RPS18: variants seen among roughly 807,000 people sequenced by gnomAD.
RPS18 encodes small ribosomal subunit protein uS13.
For missense variants in RPS18, 49 were observed against 200.8 expected (o/e 0.24, Z 4.57); for synonymous variants, 64 against 70.9 (o/e 0.90, Z 0.49).
chr6:33,275,776 G>T (rs780396312), intron 2 of RPS18, 21 bp from the exon 3 acceptor site: 1 of 1,527,784 alleles, frequency 6.5e-7, no homozygotes, highest in Non-Finnish European at 9.1e-7. Flanking sequence ...CACTAATTCC[G>T]AAACCCCTCA....
chr6:33,275,788 T>A lies in RPS18; in HGVS notation c.103-9T>A. The A allele has an allele frequency of 6.3e-7, 1 of 1,585,820 alleles. No homozygotes were observed. Among genetic ancestry groups the A allele is most frequent in the Non-Finnish European group, 8.7e-7 (1 of 1,155,602 alleles). On this transcript the variant is annotated splice_polypyrimidine_tract_variant and intron_variant, in intron 2 of 5. Coordinates refer to ENST00000439602, the MANE Select transcript of RPS18 (RefSeq NM_022551.3). ...CAACACTAATTCCGAAACCCCTCAC[T>A]TCATTCAGGGTGTGGGCCGAAGATA...
chr6:33,272,281 C>A, intron 1 of RPS18, 159 bp downstream of exon 1: 1 of 842,584 alleles, frequency 1.2e-6, no homozygotes. Context: ...ATTTCCAATT[C>A]CGGAGAGCGG....
intron 1 of RPS18, 134 bp from the exon 2 acceptor site, chr6:33,272,494 A>G: frequency 1.4e-6 from 1 of 722,334 alleles, no homozygotes; most frequent in Non-Finnish European, 2.6e-6. Flanking sequence ...GTGAAAACCT[A>G]AGGAATGGGG....
In RPS18 at chr6:33,272,116, A is replaced by C. The variant is rs1383080565; in HGVS notation, c.-4A>C. On this transcript the variant is annotated 5_prime_UTR_variant, in exon 1 of 6. Transcript: ENST00000439602. ...GCCTACACGCCGCCGCTTGTGCTGC[A>C]GCCATGGTAAGACTGGAATCCGTGC... 2 of 1,567,864 alleles carry C rather than the reference A, an allele frequency of 1.3e-6. No individual in the cohort carries two copies. The highest frequency in any genetic ancestry group is 2.4e-5 in the East Asian group (1 of 42,424).
At chr6:33,275,574 C>T (rs1050902101) in intron 2 of RPS18, 102 of 573,524 alleles carry the variant, frequency 1.8e-4, no homozygotes, top group African/African-American at 3.6e-4. Context: ...CCACTTGGGC[C>T]TCCCAAAGTG....
Position 33,273,792 on chromosome 6 carries a change from T to G in RPS18, c.102+1066T>G, listed in dbSNP as rs1273139707. Among the ~76,000 whole-genome samples the G allele has an allele frequency of 5.9e-5, 9 of 152,178 alleles. No homozygotes were observed. In the East Asian group the frequency reaches 1.7e-3, roughly 29 times the overall value. ...TTCACTTGTAAACATATAATTAAAT[T>G]TGAGGCTTAGTGCAGTGGCTCACTC... On this transcript the variant is annotated intron_variant, in intron 2 of 5. Coordinates refer to ENST00000439602, the MANE Select transcript of RPS18 (RefSeq NM_022551.3).
intron 1 of RPS18, 97 bp downstream of exon 1, chr6:33,272,219 G>C: frequency 7.4e-7 from 1 of 1,355,244 alleles, no homozygotes; most frequent in Non-Finnish European, 1.0e-6. Flanking sequence ...CTGAGGGCCT[G>C]CGACTTTCTG....
chr6:33,275,009 T>G (rs72881301), intron 2 of RPS18, among the ~76,000 whole-genome samples: 2 of 152,290 alleles, frequency 1.3e-5, no homozygotes, highest in Non-Finnish European at 2.9e-5. Context: ...ACTGACAAAA[T>G]TGAGTTTGTG....
At chr6:33,274,627 CTGG>C (rs1765507743) in intron 2 of RPS18, among the ~76,000 whole-genome samples, 1 of 152,232 alleles carries the variant, frequency 6.6e-6, no homozygotes, top group Non-Finnish European at 1.5e-5. Flanking sequence ...TTCCTGTCTT[CTGG>C]TGGTTGTCAG....
Position 33,276,077 on chromosome 6 carries a change from A to C in RPS18, c.291+11A>C. The stretch of plus-strand genomic sequence containing the variant: ...GGAAAATACAGCCAGGTGTGTACTG[A>C]AATGAGGGCAGGATTAGAGGAAGGG... On this transcript the variant is annotated intron_variant, in intron 4 of 5. Transcript: ENST00000439602. 6.2e-7 allele frequency: 1 copy of C among 1,611,580 alleles called. No individual in the cohort carries two copies. The highest frequency in any genetic ancestry group is 8.5e-7 in the Non-Finnish European group (1 of 1,177,746).
intron 2 of RPS18, among the ~76,000 whole-genome samples, chr6:33,273,157 TAA>T (rs1765359359): frequency 6.6e-6 from 1 of 152,088 alleles, no homozygotes; most frequent in African/African-American, 2.4e-5. Context: ...TACCAACAGA[TAA>T]AAAGTGTGAA....
intron 1 of RPS18, 103 bp downstream of exon 1, chr6:33,272,225 TTC>T (rs1765243842): frequency 3.9e-6 from 5 of 1,283,388 alleles, no homozygotes; most frequent in Non-Finnish European, 3.3e-6. Context: ...GCCTGCGACT[TTC>T]TGTATGGAGC....
Position 33,272,116 on chromosome 6 carries a change from A to G in RPS18, c.-4A>G, listed in dbSNP as rs1383080565. The G allele has an allele frequency of 3.2e-6, 5 of 1,567,746 alleles. No homozygotes were observed. Among genetic ancestry groups the G allele is most frequent in the African/African-American group, 1.4e-5 (1 of 73,836 alleles). On this transcript the variant is annotated 5_prime_UTR_variant, in exon 1 of 6. Transcript: ENST00000439602. ...GCCTACACGCCGCCGCTTGTGCTGCAGCCATGGTAAGACTGGAATCCGTGC... is the reference window on the plus strand; with the variant it reads ...GCCTACACGCCGCCGCTTGTGCTGCGGCCATGGTAAGACTGGAATCCGTGC...
At chr6:33,273,088 G>A (rs1163452710) in intron 2 of RPS18, among the ~76,000 whole-genome samples, 2 of 152,138 alleles carry the variant, frequency 1.3e-5, no homozygotes, top group Non-Finnish European at 2.9e-5. Flanking sequence ...CCCTTCCTGC[G>A]AAATTTATAT....
intron 2 of RPS18, among the ~76,000 whole-genome samples, chr6:33,274,030 TCA>T (rs1427580998): frequency 6.6e-6 from 1 of 152,212 alleles, no homozygotes; most frequent in Non-Finnish European, 1.5e-5. Flanking sequence ...CAATCTTATC[TCA>T]CTGCAACCTC....
intron 1 of RPS18, 83 bp downstream of exon 1, chr6:33,272,205 T>C (rs1765240520): frequency 1.4e-6 from 2 of 1,458,992 alleles, no homozygotes; most frequent in Admixed American, 3.9e-5. Flanking sequence ...GGAAACGTCC[T>C]GCCCTGAGGG....
chr6:33,275,533 G>GT (rs1459753356), intron 2 of RPS18: 4 of 491,388 alleles, frequency 8.1e-6, no homozygotes, highest in African/African-American at 7.8e-5. Context: ...GGCCAGGCTG[G>GT]TTTTGAACTC....
intron 2 of RPS18, 143 bp from the exon 3 acceptor site, chr6:33,275,654 A>G (rs1254138552): frequency 2.8e-6 from 2 of 715,032 alleles, no homozygotes; most frequent in African/African-American, 1.8e-5. Flanking sequence ...TTATATCTGG[A>G]AAGGTGGGTG....
At chr6:33,273,149 C>A (rs1370727849) in intron 2 of RPS18, among the ~76,000 whole-genome samples, 4 of 152,078 alleles carry the variant, frequency 2.6e-5, no homozygotes, top group African/African-American at 7.2e-5. Flanking sequence ...AGTAGAAATA[C>A]CAACAGATAA....
Sources: allele counts gnomAD v4.1 joint callset (sites outside exome capture counted in the v4.1 genomes callset), GRCh38; gene constraint gnomAD v4.1.1; transcripts MANE v1.5; gene names NCBI Gene and HGNC (gene_info 2026-07-23, HGNC 2026-07-21).